Variants in ZNF75A observed in about 807,000 individuals in gnomAD.
ZNF75A encodes zinc finger protein 75A.
Under a neutral mutation model 46.3 loss-of-function variants are expected in ZNF75A, and 36 were observed. That is an observed-to-expected ratio of 0.78 (90% CI 0.60 to 1.03). ZNF75A has a LOEUF of 1.03. ZNF75A is among the 50% of genes least tolerant of loss of function. ZNF75A has a pLI of 0.00. For synonymous variants in ZNF75A, 234 were observed against 189.9 expected, an observed-to-expected ratio of 1.23 and a Z score of -1.91; for missense variants, 595 against 551.3, an observed-to-expected ratio of 1.08 and a Z score of -0.79.
chr16:3,312,738 G>A lies in ZNF75A; in HGVS notation c.666G>A (p.Val222=). The A allele has an allele frequency of 9.5e-7, 1 of 1,048,702 alleles. No individual in the cohort carries two copies. Among genetic ancestry groups the A allele is most frequent in the Non-Finnish European group, 1.1e-6 (1 of 870,044 alleles). The allele number at this position is 1,048,702 out of a possible 1,614,324, so 65.0% of individuals were successfully genotyped here. A position where few individuals can be genotyped will look rare whatever the true frequency, so the allele number is the denominator to read the frequency against. The change falls in exon 4 of 7, where the codon GTG becomes GTA. Residue 222 remains valine, a synonymous_variant. Transcript: ENST00000669516. ...AAACAAACACCAAAGACTGGACAGTGACACCTGAGCACGTCTTGCCTGAGT... is the reference window on the plus strand; with the variant it reads ...AAACAAACACCAAAGACTGGACAGTAACACCTGAGCACGTCTTGCCTGAGT... The part of the protein sequence containing the change: ...PEQTNTKDWT[V]TPEHVLPESQ...
chr16:3,307,895 C>T (rs1280347232), intron 1 of ZNF75A: 2 of 152,104 alleles, frequency 1.3e-5, no homozygotes, highest in Non-Finnish European at 2.9e-5. Context: ...AAGTTGTACT[C>T]CCCTTACTAG....
chr16:3,316,893 C>T lies in ZNF75A; in HGVS notation c.824-19C>T. On this transcript the variant is annotated intron_variant, in intron 5 of 6. Coordinates refer to ENST00000669516, the MANE Select transcript of ZNF75A (RefSeq NM_001302109.2). ...CTGTTAAGTTACCAGTCCTTGACCT[C>T]ATTTTGTCCATTTGACAGCATTGTT... The T allele has an allele frequency of 6.4e-7, 1 of 1,573,924 alleles. No individual in the cohort carries two copies. Among genetic ancestry groups the T allele is most frequent in the Non-Finnish European group, 8.7e-7 (1 of 1,147,330 alleles).
chr16:3,317,101 CT>C (rs968750057), intron 6 of ZNF75A, 79 bp downstream of exon 6: 7,923 of 1,272,602 alleles, frequency 6.2e-3, no homozygotes, highest in South Asian at 7.6e-3. Context: ...GATTTTGTTC[CT>C]TTTTTTTTTA....
intron 2 of ZNF75A, chr16:3,310,625 TCAAAA>T (rs999598885): frequency 2.0e-5 from 20 of 977,324 alleles, no homozygotes; most frequent in South Asian, 9.5e-5. Context: ...GACCCCCGTC[TCAAAA>T]CAAAACAAAC....
intron 2 of ZNF75A, chr16:3,310,731 C>G (rs987398202): frequency 4.1e-6 from 4 of 985,416 alleles, no homozygotes; most frequent in Non-Finnish European, 4.8e-6. Flanking sequence ...AAAATCCCAA[C>G]AGAATAGCCA....
At position 3,317,514 on chromosome 16, in the gene ZNF75A, A is replaced by G. The variant is rs756559533; in HGVS notation, c.1259A>G (p.His420Arg). 2.5e-6 allele frequency: 4 copies of G among 1,613,994 alleles called. No homozygotes were observed. The highest frequency in any genetic ancestry group is 3.4e-6 in the Non-Finnish European group (4 of 1,179,982). Reference sequence around the variant, plus strand: ...AGAGTTAGCTCTGACCTTATTAAGCACCAAAGAATTCACACTGAAGAGAAA... The same window carrying G: ...AGAGTTAGCTCTGACCTTATTAAGCGCCAAAGAATTCACACTGAAGAGAAA... ...TFRVSSDLIK[H>R]QRIHTEEKPY... The change falls in exon 7 of 7, where the codon CAC becomes CGC. Residue 420 changes from histidine to arginine, a missense_variant. Physicochemically the swap from His to Arg is conservative, Grantham distance 29 (BLOSUM62 0). Transcript: ENST00000669516.
intron 2 of ZNF75A, among the ~76,000 whole-genome samples, chr16:3,309,846 C>T (rs1960604305): frequency 1.3e-5 from 2 of 151,036 alleles, no homozygotes; most frequent in Non-Finnish European, 2.9e-5. Context: ...GTGGCTCATG[C>T]CTATATTTCG....
chr16:3,310,636 C>CA lies in ZNF75A; in HGVS notation c.409-1114dup, dbSNP rs756224968. 14 of 971,102 alleles carry CA rather than the reference C, an allele frequency of 1.4e-5. No homozygotes were observed. In the Admixed American group the frequency reaches 3.8e-4, roughly 26 times the overall value. The allele number at this position is 971,102 out of a possible 1,614,324, so 60.2% of individuals were successfully genotyped here. A position where few individuals can be genotyped will look rare whatever the true frequency, so the allele number is the denominator to read the frequency against. On this transcript the variant is annotated intron_variant, in intron 2 of 6. Transcript: ENST00000669516. Reference sequence around the variant, plus strand: ...GTGAGACCCCCGTCTCAAAACAAAACAAACAAACAAAAAAAACAACTAGGG... The same window carrying CA: ...GTGAGACCCCCGTCTCAAAACAAAACAAAACAAACAAAAAAAACAACTAGGG...
chr16:3,309,466 CAAA>C (rs1307364332), intron 2 of ZNF75A: 6 of 103,752 alleles, frequency 5.8e-5, no homozygotes, highest in Non-Finnish European at 7.9e-5. Context: ...AAAAAAAAAA[CAAA>C]AAAAACAAAA....
intron 5 of ZNF75A, chr16:3,315,218 G>T (rs1247314834): frequency 5.1e-6 from 2 of 390,200 alleles, no homozygotes; most frequent in Non-Finnish European, 3.4e-6. Flanking sequence ...TTGAGATGGA[G>T]CCTCGCTCTG....
downstream of ZNF75A, among the ~76,000 whole-genome samples, chr16:3,320,152 TCTC>T (rs1170281433): frequency 1.3e-5 from 2 of 152,090 alleles, no homozygotes; most frequent in African/African-American, 2.4e-5. Context: ...TTCATGCCAT[TCTC>T]CTGCCTCAGC....
At chr16:3,307,636 G>A (rs2150794489) in intron 1 of ZNF75A, 1 of 151,368 alleles carries the variant, frequency 6.6e-6, no homozygotes, top group South Asian at 2.1e-4. Flanking sequence ...TCCCACCTCA[G>A]CCTCCTGAGC....
chr16:3,319,701 C>T (rs1288710421), downstream of ZNF75A, among the ~76,000 whole-genome samples: 1 of 152,136 alleles, frequency 6.6e-6, no homozygotes, highest in Non-Finnish European at 1.5e-5. Flanking sequence ...GTTTTGCTTT[C>T]CTGCTCCTTG....
chr16:3,321,450 G>A (rs562624985), downstream of ZNF75A, among the ~76,000 whole-genome samples: 5 of 152,216 alleles, frequency 3.3e-5, no homozygotes, highest in South Asian at 4.1e-4. Context: ...TCTCCCTGCC[G>A]TTAAGCAGAC....
chr16:3,315,387 G>C (rs1373365473), intron 5 of ZNF75A, among the ~76,000 whole-genome samples: 1 of 151,800 alleles, frequency 6.6e-6, no homozygotes, highest in Admixed American at 6.6e-5. Flanking sequence ...AGTAGAGATA[G>C]GGTTTCATCA....
At chr16:3,319,230 C>T (rs189856391), downstream of ZNF75A, among the ~76,000 whole-genome samples, 2 of 152,316 alleles carry the variant, frequency 1.3e-5, no homozygotes, top group Non-Finnish European at 2.9e-5. Context: ...TCTTCTGCCT[C>T]AGCCTCCAGA....
At chr16:3,322,548 CT>C (rs1216269243), downstream of ZNF75A, among the ~76,000 whole-genome samples, 3 of 152,172 alleles carry the variant, frequency 2.0e-5, no homozygotes. Flanking sequence ...AGCAAGCTAC[CT>C]TTTGCATTGC....
At chr16:3,311,328 C>A (rs920873151) in intron 2 of ZNF75A, among the ~76,000 whole-genome samples, 1 of 151,826 alleles carries the variant, frequency 6.6e-6, no homozygotes, top group Non-Finnish European at 1.5e-5. Flanking sequence ...ATCCCAGCTA[C>A]TTGGAAGGCT....
intron 5 of ZNF75A, chr16:3,316,006 C>G (rs1961179200): frequency 6.6e-6 from 1 of 152,208 alleles, no homozygotes; most frequent in Non-Finnish European, 1.5e-5. Flanking sequence ...TGCCATGTGA[C>G]AAAACTCACT....
Sources: gnomAD v4.1 joint callset for allele counts (sites outside exome capture counted in the v4.1 genomes callset) on GRCh38, gnomAD v4.1.1 for gene constraint, MANE v1.5 for transcripts, NCBI Gene and HGNC (gene_info 2026-07-23, HGNC 2026-07-21) for gene names.